ELFN1: variants seen among roughly 807,000 people sequenced by gnomAD.
ELFN1 encodes protein ELFN1.
ELFN1 carries 6 observed loss-of-function variants against 7.6 expected under a neutral mutation model. The ratio of observed to expected loss-of-function variants is 0.79; its 90% CI spans 0.43 to 1.56. The LOEUF (loss-of-function observed/expected upper bound fraction) is 1.56, where lower values mean the gene tolerates loss of function less well. Ranked by LOEUF, ELFN1 falls within the 40% of genes most tolerant of loss-of-function variation. The probability of loss-of-function intolerance (pLI) is 0.01; values close to 1 mark genes in which losing one functional copy is unlikely to be tolerated. For missense variants in ELFN1, 1,169 were observed against 1,232.2 expected (o/e 0.95, Z 0.77); for synonymous variants, 657 against 588.1 (o/e 1.12, Z -1.70).
At position 1,682,396 on chromosome 7, in the gene ELFN1, CTCAAT is replaced by C. The variant is rs1778989196; in HGVS notation, c.-548-5659_-548-5655del. Among the ~76,000 whole-genome samples, 6 of 152,166 alleles carry C rather than the reference CTCAAT, an allele frequency of 3.9e-5. 1 individual carries two copies. The South Asian group carries it at 1.0e-3, about 26-fold the overall frequency. ...AAATGGAAAAGTTTATTTCTGGACT[CTCAAT>C]TCTATTCCATTTGAAGTATATGCCT... is the stretch of plus-strand genomic sequence containing the variant. On this transcript the variant is annotated intron_variant, in intron 1 of 3. Coordinates refer to ENST00000424383, the MANE Select transcript of ELFN1 (RefSeq NM_001128636.4).
intron 1 of ELFN1, among the ~76,000 whole-genome samples, chr7:1,681,537 A>G (rs548227412): frequency 1.8e-4 from 28 of 152,012 alleles, no homozygotes; most frequent in Admixed American, 8.5e-4. Flanking sequence ...TGATTTTTGT[A>G]TTTTTTAGTA....
At chr7:1,733,747 C>T (rs1780372956) in intron 3 of ELFN1, among the ~76,000 whole-genome samples, 1 of 152,172 alleles carries the variant, frequency 6.6e-6, no homozygotes, top group Non-Finnish European at 1.5e-5. Flanking sequence ...AAATCTCTAG[C>T]ACAATTAACA....
intron 3 of ELFN1, among the ~76,000 whole-genome samples, chr7:1,715,172 C>G (rs997071746): frequency 6.6e-6 from 1 of 152,230 alleles, no homozygotes; most frequent in African/African-American, 2.4e-5. Flanking sequence ...GCAGTCACTG[C>G]TGCCTTTGGG....
intron 3 of ELFN1, among the ~76,000 whole-genome samples, chr7:1,725,620 A>T (rs1223675105): frequency 6.6e-6 from 1 of 152,136 alleles, no homozygotes; most frequent in Non-Finnish European, 1.5e-5. Flanking sequence ...CGAAAATGGA[A>T]TGTCCTCTGG....
chr7:1,732,714 G>A (rs1246001025), intron 3 of ELFN1, among the ~76,000 whole-genome samples: 1 of 152,106 alleles, frequency 6.6e-6, no homozygotes, highest in Non-Finnish European at 1.5e-5. Context: ...GGCCATGTCG[G>A]TGGGGAGAAA....
At position 1,746,429 on chromosome 7, in the gene ELFN1, C is replaced by G; in HGVS notation, c.1833C>G (p.Phe611Leu). The stretch of plus-strand genomic sequence containing the variant: ...AGCCGCTGGCCGCCAAGCACGGCTT[C>G]CTGGCGCCCGGGTACAAGGACGCCT... ...LSEPLAAKHG[F>L]LAPGYKDAFG... The change falls in exon 4 of 4, where the codon TTC (phenylalanine) becomes TTG (leucine). Residue 611 changes from phenylalanine (F) to leucine (L), a missense_variant. By Grantham distance (22) the Phe-to-Leu change is conservative. Transcript: ENST00000424383. 1.3e-6 allele frequency: 2 copies of G among 1,532,026 alleles called. No individual in the cohort carries two copies. The highest frequency in any genetic ancestry group is 2.0e-5 in the Admixed American group (1 of 50,686). 94.9% of individuals were successfully genotyped at this position (1,532,026 alleles called of 1,614,324 possible). A position where few individuals can be genotyped will look rare whatever the true frequency, so the allele number is the denominator to read the frequency against.
At chr7:1,741,980 A>G (rs186957482) in intron 3 of ELFN1, among the ~76,000 whole-genome samples, 28 of 147,222 alleles carry the variant, frequency 1.9e-4, no homozygotes, top group Non-Finnish European at 3.9e-4. Context: ...ACACACACAG[A>G]CAACCTGGCA....
chr7:1,710,522 G>A (rs1353648591), intron 3 of ELFN1, among the ~76,000 whole-genome samples: 2 of 152,206 alleles, frequency 1.3e-5, no homozygotes, highest in Non-Finnish European at 2.9e-5. Context: ...CACAGCATTG[G>A]CCCTGCCAAC....
rs192219225 is a variant in ELFN1 at position 1,702,775 on chromosome 7, C to T, written c.-455-6316C>T. ...CATTGTCTGTGAATAGCGAGAGCTT[C>T]GTTTCTTTCTTTCTGAATCTTATAA... On this transcript the variant is annotated intron_variant, in intron 2 of 3. Transcript: ENST00000424383. 2.3e-3 allele frequency among the ~76,000 whole-genome samples: 352 copies of T among 151,388 alleles called. 3 individuals are homozygous for T. Among genetic ancestry groups the T allele is most frequent in the South Asian group, 0.014 (68 of 4,822 alleles).
rs115023422 is a variant in ELFN1 at position 1,735,109 on chromosome 7, C to G, written c.-293-9195C>G. On this transcript the variant is annotated intron_variant, in intron 3 of 3. Transcript: ENST00000424383. The surrounding 1 kb of genome is among the most constrained non-coding windows in gnomAD (Gnocchi z 5.9). ...TTCCCATGCTGAGCCTCTGTTTCCC[C>G]ATCTGTCCAATTGAGGTAACACTAA... Among the ~76,000 whole-genome samples the G allele has an allele frequency of 0.014, 2,068 of 152,302 alleles. 32 individuals are homozygous for G. Among genetic ancestry groups the G allele is most frequent in the African/African-American group, 0.033 (1,356 of 41,564 alleles).
At chr7:1,715,201 CTT>C (rs1357389810) in intron 3 of ELFN1, among the ~76,000 whole-genome samples, 1 of 152,172 alleles carries the variant, frequency 6.6e-6, no homozygotes, top group East Asian at 1.9e-4. Context: ...TACTATATGT[CTT>C]ATTCATTTGC....
In ELFN1 at chr7:1,746,548, C is replaced by T. The variant is rs1780800379; in HGVS notation, c.1952C>T (p.Ala651Val). The change falls in exon 4 of 4, where the codon GCC (alanine) becomes GTC (valine). Residue 651 changes from alanine to valine, a missense_variant. Physicochemically the swap from Ala to Val is moderately conservative, Grantham distance 64. Around this residue, in one of 2 missense-constraint regions of ELFN1, gnomAD observed 914 missense variants for 872.6 expected, o/e 1.05. Coordinates refer to ENST00000424383, the MANE Select transcript of ELFN1 (RefSeq NM_001128636.4). ...SSSGSVRSPRAFRAEAVGVHK... is the reference protein window; with the variant it reads ...SSSGSVRSPRVFRAEAVGVHK... ...AGCGGCTCCGTGCGCAGCCCCCGCG[C>T]CTTCCGAGCCGAGGCCGTCGGGGTG... The T allele has an allele frequency of 2.9e-6, 4 of 1,375,472 alleles. No individual in the cohort carries two copies. The highest frequency in any genetic ancestry group is 3.7e-6 in the Non-Finnish European group (4 of 1,072,242). 85.2% of individuals were successfully genotyped at this position (1,375,472 alleles called of 1,614,324 possible). A position where few individuals can be genotyped will look rare whatever the true frequency, so the allele number is the denominator to read the frequency against.
intron 3 of ELFN1, among the ~76,000 whole-genome samples, chr7:1,722,575 G>A (rs1421520917): frequency 6.6e-6 from 1 of 151,980 alleles, no homozygotes; most frequent in Non-Finnish European, 1.5e-5. Context: ...CTGGGCAGGA[G>A]CCACTTTTTC....
intron 2 of ELFN1, among the ~76,000 whole-genome samples, chr7:1,707,111 C>T (rs1377023017): frequency 6.6e-6 from 1 of 152,228 alleles, no homozygotes; most frequent in Non-Finnish European, 1.5e-5. Context: ...GGGCAGGTGC[C>T]CTGACGTGCA....
At chr7:1,692,555 G>C (rs918186433) in intron 2 of ELFN1, 14 of 152,494 alleles carry the variant, frequency 9.2e-5, no homozygotes, top group African/African-American at 3.4e-4. Context: ...GCAGAGGCAG[G>C]CAACACCGTG....
At chr7:1,725,490 G>T (rs959402992) in intron 3 of ELFN1, among the ~76,000 whole-genome samples, 4 of 152,000 alleles carry the variant, frequency 2.6e-5, no homozygotes, top group Admixed American at 1.3e-4. Flanking sequence ...CAGAGCGGGG[G>T]TGGGGTGGGA....
intron 2 of ELFN1, chr7:1,694,162 C>T (rs1779247082): frequency 4.3e-6 from 1 of 232,730 alleles, no homozygotes; most frequent in South Asian, 6.6e-5. Flanking sequence ...AGGCCCCTCA[C>T]ACTCCACCAT....
At chr7:1,736,076 C>G (rs1780433036) in intron 3 of ELFN1, among the ~76,000 whole-genome samples, 1 of 152,192 alleles carries the variant, frequency 6.6e-6, no homozygotes, top group African/African-American at 2.4e-5. Context: ...CCGTGGCAGG[C>G]CTTGCGGCTC....
chr7:1,717,434 C>T (rs1779868354), intron 3 of ELFN1, among the ~76,000 whole-genome samples: 1 of 152,162 alleles, frequency 6.6e-6, no homozygotes, highest in Admixed American at 6.5e-5. Context: ...TCTGGGACAC[C>T]CAGGAAGGGG....
Sources: allele counts gnomAD v4.1 joint callset (sites outside exome capture counted in the v4.1 genomes callset), GRCh38; gene constraint gnomAD v4.1.1; regional missense constraint gnomAD v4.1.1; non-coding constraint Gnocchi (gnomAD v3.1); transcripts MANE v1.5; gene names NCBI Gene and HGNC (gene_info 2026-07-23, HGNC 2026-07-21).